The following C1orf122 variants were observed in gnomAD, a reference collection of about 807,000 sequenced individuals.
C1orf122 encodes the protein uncharacterized protein C1orf122.
A neutral mutation model predicts 12.9 loss-of-function variants in C1orf122; 12 were observed. The ratio of observed to expected loss-of-function variants is 0.93; its 90% CI spans 0.60 to 1.51. C1orf122 has a LOEUF of 1.51. Ranked by LOEUF, C1orf122 falls within the 40% of genes most tolerant of loss-of-function variation. The pLI, the probability that C1orf122 is intolerant of heterozygous loss-of-function variation, is 0.00. For synonymous variants in C1orf122, 57 were observed against 73.4 expected (o/e 0.78, Z 1.14); for missense variants, 144 against 162.1 (o/e 0.89, Z 0.61).
At position 37,808,733 on chromosome 1, in the gene C1orf122, G is replaced by T; in HGVS notation, c.237+1G>T. On this transcript the variant is annotated splice_donor_variant, in intron 2 of 2. Transcript: ENST00000373042. LOFTEE classifies it high-confidence loss of function. Reference sequence around the variant, plus strand: ...GCGCCCGGAGCCGGCTGGTGGCGGGGTTAGTGCCCACCCTGGGCTGGGCTG... The same window carrying T: ...GCGCCCGGAGCCGGCTGGTGGCGGGTTTAGTGCCCACCCTGGGCTGGGCTG... The T allele has an allele frequency of 1.4e-6, 2 of 1,434,676 alleles. No homozygotes were observed. The highest frequency in any genetic ancestry group is 1.8e-6 in the Non-Finnish European group (2 of 1,107,314). The allele number at this position is 1,434,676 out of a possible 1,614,324, so 88.9% of individuals were successfully genotyped here.
Position 37,808,593 on chromosome 1 carries a change from A to G in C1orf122, c.98A>G (p.Gln33Arg). 1.5e-6 allele frequency: 2 copies of G among 1,293,956 alleles called. No homozygotes were observed. The highest frequency in any genetic ancestry group is 9.8e-7 in the Non-Finnish European group (1 of 1,022,292). 80.2% of individuals were successfully genotyped at this position (1,293,956 alleles called of 1,614,324 possible). Reference sequence around the variant, plus strand: ...GGGCTCGGCGGGAGGCCACCCCCACAGCCGCCCCGGGAGGAGCGCGCCCAG... The same window carrying G: ...GGGCTCGGCGGGAGGCCACCCCCACGGCCGCCCCGGGAGGAGCGCGCCCAG... The part of the protein sequence containing the change: ...GLGLGGRPPP[Q>R]PPREERAQQL... The change falls in exon 2 of 3, where the codon CAG (glutamine) becomes CGG (arginine). Residue 33 changes from glutamine (Q) to arginine (R), a missense_variant. Physicochemically the swap from Gln to Arg is conservative, Grantham distance 43. Coordinates refer to ENST00000373042, the MANE Select transcript of C1orf122 (RefSeq NM_198446.3).
At chr1:37,808,780 C>G (rs1286915622) in intron 2 of C1orf122, 48 bp downstream of exon 2, 3 of 1,458,440 alleles carry the variant, frequency 2.1e-6, no homozygotes, top group Non-Finnish European at 2.7e-6. Context: ...GGTCTGCCCA[C>G]TGGCTAGGCT....
Position 37,809,419 on chromosome 1 carries a change from G to T in C1orf122, c.*346G>T. 1 of 337,568 alleles carries T rather than the reference G, an allele frequency of 3.0e-6. No individual in the cohort carries two copies. Among genetic ancestry groups the T allele is most frequent in the Non-Finnish European group, 5.7e-6 (1 of 175,880 alleles). The allele number at this position is 337,568 out of a possible 1,614,324, so 20.9% of individuals were successfully genotyped here. On this transcript the variant is annotated 3_prime_UTR_variant, in exon 3 of 3. Coordinates refer to ENST00000373042, the MANE Select transcript of C1orf122 (RefSeq NM_198446.3). ...CTTTTAGCCCCACAAAACACCTTCA[G>T]TAGAGCCTTGATTAAAAGGAAACCT...
At position 37,808,634 on chromosome 1, in the gene C1orf122, G is replaced by A; in HGVS notation, c.139G>A (p.Val47Met). Residue 47 changes from valine to methionine, a missense_variant, in exon 2 of 3, where the codon GTG becomes ATG. By Grantham distance (21) the Val-to-Met change is conservative. Transcript: ENST00000373042. The part of the protein sequence containing the change: ...EERAQQLLDA[V>M]EQRQRQLLDT... ...GCGCGCCCAGCAGCTGCTGGACGCG[G>A]TGGAGCAGCGGCAGCGGCAGCTCCT... 7.5e-7 allele frequency: 1 copy of A among 1,330,416 alleles called. No homozygotes were observed. The highest frequency in any genetic ancestry group is 9.6e-7 in the Non-Finnish European group (1 of 1,043,284). 82.4% of individuals were successfully genotyped at this position (1,330,416 alleles called of 1,614,324 possible). A position where few individuals can be genotyped will look rare whatever the true frequency, so the allele number is the denominator to read the frequency against.
At position 37,808,719 on chromosome 1, in the gene C1orf122, C is replaced by T; in HGVS notation, c.224C>T (p.Pro75Leu). 2 of 1,425,308 alleles carry T rather than the reference C, an allele frequency of 1.4e-6. No homozygotes were observed. The highest frequency in any genetic ancestry group is 1.8e-6 in the Non-Finnish European group (2 of 1,102,218). The allele number at this position is 1,425,308 out of a possible 1,614,324, so 88.3% of individuals were successfully genotyped here. A position where few individuals can be genotyped will look rare whatever the true frequency, so the allele number is the denominator to read the frequency against. Residue 75 changes from proline to leucine, a missense_variant, in exon 2 of 3, where the codon CCG becomes CTG. Physicochemically the swap from Pro to Leu is moderately conservative, Grantham distance 98. Transcript: ENST00000373042. ...LRQLGRRRPE[P>L]AGGGNVSAKP... ...CAGCTGGGCCGCCGGCGCCCGGAGC[C>T]GGCTGGTGGCGGGGTTAGTGCCCAC...
intron 1 of C1orf122, 24 bp downstream of exon 1, chr1:37,808,463 G>A: frequency 7.8e-7 from 1 of 1,278,244 alleles, no homozygotes; most frequent in East Asian, 3.1e-5. Flanking sequence ...CGTCGGGGCG[G>A]GAGGAAGGGG....
At chr1:37,808,845 C>A in intron 2 of C1orf122, 113 bp downstream of exon 2, 1 of 1,438,626 alleles carries the variant, frequency 7.0e-7, no homozygotes, top group Non-Finnish European at 9.3e-7. Context: ...CGCTTTATCC[C>A]TAACCTCCTT....
In C1orf122 at chr1:37,808,142, C is replaced by A; in HGVS notation, c.-263C>A. 6.8e-7 allele frequency: 1 copy of A among 1,472,564 alleles called. No individual in the cohort carries two copies. The highest frequency in any genetic ancestry group is 8.9e-7 in the Non-Finnish European group (1 of 1,119,004). The allele number at this position is 1,472,564 out of a possible 1,614,324, so 91.2% of individuals were successfully genotyped here. A position where few individuals can be genotyped will look rare whatever the true frequency, so the allele number is the denominator to read the frequency against. ...CGCTCAACCCCACGCTGGCAGCCAC[C>A]GCGGCCCTCATCCCCCTGCACCGAC... On this transcript the variant is annotated 5_prime_UTR_variant, in exon 1 of 3. Coordinates refer to ENST00000373042, the MANE Select transcript of C1orf122 (RefSeq NM_198446.3).
intron 2 of C1orf122, 47 bp from the exon 3 acceptor site, chr1:37,808,931 A>G: frequency 6.3e-7 from 1 of 1,585,788 alleles, no homozygotes; most frequent in Non-Finnish European, 8.6e-7. Context: ...GGCCTAATCC[A>G]AGGCCTTGCC....
rs1361524142 is a variant in C1orf122 at position 37,809,223 on chromosome 1, G to A, written c.*150G>A. The stretch of plus-strand genomic sequence containing the variant: ...GGAGTGGCAGCTCTGCTAGCAGCTG[G>A]GTTCACTCCCACTTCATCCTGGCTG... On this transcript the variant is annotated 3_prime_UTR_variant, in exon 3 of 3. Coordinates refer to ENST00000373042, the MANE Select transcript of C1orf122 (RefSeq NM_198446.3). The A allele has an allele frequency of 1.1e-6, 1 of 929,548 alleles. No individual in the cohort carries two copies. The highest frequency in any genetic ancestry group is 1.3e-5 in the South Asian group (1 of 76,748). The allele number at this position is 929,548 out of a possible 1,614,324, so 57.6% of individuals were successfully genotyped here. A position where few individuals can be genotyped will look rare whatever the true frequency, so the allele number is the denominator to read the frequency against.
chr1:37,809,118 C>T lies in C1orf122; in HGVS notation c.*45C>T. The stretch of plus-strand genomic sequence containing the variant: ...CCTGACTTCTCTCCCTCCCCAGGGC[C>T]GGTGGCTGGACTCTGAACAACTCCC... On this transcript the variant is annotated 3_prime_UTR_variant, in exon 3 of 3. Coordinates refer to ENST00000373042, the MANE Select transcript of C1orf122 (RefSeq NM_198446.3). 6.3e-7 allele frequency: 1 copy of T among 1,599,504 alleles called. No homozygotes were observed. Among genetic ancestry groups the T allele is most frequent in the Non-Finnish European group, 8.6e-7 (1 of 1,166,632 alleles).
chr1:37,809,236 T>C lies in C1orf122; in HGVS notation c.*163T>C. 1 of 860,776 alleles carries C rather than the reference T, an allele frequency of 1.2e-6. No homozygotes were observed. Among genetic ancestry groups the C allele is most frequent in the Middle Eastern group, 2.3e-4 (1 of 4,384 alleles). 53.3% of individuals were successfully genotyped at this position (860,776 alleles called of 1,614,324 possible). A position where few individuals can be genotyped will look rare whatever the true frequency, so the allele number is the denominator to read the frequency against. On this transcript the variant is annotated 3_prime_UTR_variant, in exon 3 of 3. Coordinates refer to ENST00000373042, the MANE Select transcript of C1orf122 (RefSeq NM_198446.3). The stretch of plus-strand genomic sequence containing the variant: ...TGCTAGCAGCTGGGTTCACTCCCAC[T>C]TCATCCTGGCTGAAAGCAGTGCTGT...
chr1:37,808,906 G>T, intron 2 of C1orf122, 72 bp from the exon 3 acceptor site: 4 of 1,523,514 alleles, frequency 2.6e-6, no homozygotes, highest in Non-Finnish European at 3.6e-6. Context: ...ATGCCAAATG[G>T]CCACATCCTT....
chr1:37,809,120 G>T lies in C1orf122; in HGVS notation c.*47G>T, dbSNP rs1432320705. The T allele has an allele frequency of 6.3e-7, 1 of 1,598,494 alleles. No individual in the cohort carries two copies. Among genetic ancestry groups the T allele is most frequent in the Admixed American group, 1.7e-5 (1 of 60,014 alleles). ...TGACTTCTCTCCCTCCCCAGGGCCG[G>T]TGGCTGGACTCTGAACAACTCCCTT... On this transcript the variant is annotated 3_prime_UTR_variant, in exon 3 of 3. Transcript: ENST00000373042.
chr1:37,807,929 G>T lies in C1orf122; in HGVS notation c.-476G>T. ...GGCCGTACAGCGTATCGGTGGGGAC[G>T]GCCACCACGGCGCCGGCGCGCAGCT... On this transcript the variant is annotated 5_prime_UTR_variant, in exon 1 of 3. Transcript: ENST00000373042. 3 of 1,255,022 alleles carry T rather than the reference G, an allele frequency of 2.4e-6. No individual in the cohort carries two copies. The highest frequency in any genetic ancestry group is 3.0e-6 in the Non-Finnish European group (3 of 998,880). 77.7% of individuals were successfully genotyped at this position (1,255,022 alleles called of 1,614,324 possible). A position where few individuals can be genotyped will look rare whatever the true frequency, so the allele number is the denominator to read the frequency against.
At chr1:37,808,497 C>T in intron 1 of C1orf122, 34 bp from the exon 2 acceptor site, 1 of 1,283,578 alleles carries the variant, frequency 7.8e-7, no homozygotes, top group Non-Finnish European at 9.8e-7. Context: ...AAGCGCCGGC[C>T]CTGACCGTCT....
chr1:37,808,907 C>T, intron 2 of C1orf122, 71 bp from the exon 3 acceptor site: 7 of 1,523,788 alleles, frequency 4.6e-6, no homozygotes, highest in Non-Finnish European at 6.2e-6. Context: ...TGCCAAATGG[C>T]CACATCCTTG....
Position 37,808,584 on chromosome 1 carries a change from C to T in C1orf122, c.89C>T (p.Pro30Leu). Residue 30 changes from proline to leucine, a missense_variant, in exon 2 of 3, where the codon CCA becomes CTA. By Grantham distance (98) the Pro-to-Leu change is moderately conservative. Coordinates refer to ENST00000373042, the MANE Select transcript of C1orf122 (RefSeq NM_198446.3). ...GCGGGGCTGGGGCTCGGCGGGAGGC[C>T]ACCCCCACAGCCGCCCCGGGAGGAG... ...GKAGLGLGGR[P>L]PPQPPREERA... 9 of 1,290,818 alleles carry T rather than the reference C, an allele frequency of 7.0e-6. No homozygotes were observed. The highest frequency in any genetic ancestry group is 8.8e-6 in the Non-Finnish European group (9 of 1,020,480). 80.0% of individuals were successfully genotyped at this position (1,290,818 alleles called of 1,614,324 possible). A position where few individuals can be genotyped will look rare whatever the true frequency, so the allele number is the denominator to read the frequency against.
At position 37,808,732 on chromosome 1, in the gene C1orf122, G is replaced by A. The variant is rs1163938540; in HGVS notation, c.237G>A (p.Gly79=). The A allele has an allele frequency of 1.4e-6, 2 of 1,435,088 alleles. No individual in the cohort carries two copies. Among genetic ancestry groups the A allele is most frequent in the African/African-American group, 2.9e-5 (2 of 68,472 alleles). 88.9% of individuals were successfully genotyped at this position (1,435,088 alleles called of 1,614,324 possible). A position where few individuals can be genotyped will look rare whatever the true frequency, so the allele number is the denominator to read the frequency against. ...GGCGCCCGGAGCCGGCTGGTGGCGG[G>A]GTTAGTGCCCACCCTGGGCTGGGCT... ...GRRRPEPAGG[G]NVSAKPGAPP... is the part of the protein sequence containing the mutation. The change falls in exon 2 of 3, where the codon GGG becomes GGA. Residue 79 remains glycine (G), a splice_region_variant and synonymous_variant. Transcript: ENST00000373042.
Sources: gnomAD v4.1 joint callset for allele counts on GRCh38, gnomAD v4.1.1 for gene constraint, MANE v1.5 for transcripts, NCBI Gene and HGNC (gene_info 2026-07-23, HGNC 2026-07-21) for gene names.